Variants in NPAS2 observed in about 807,000 individuals in gnomAD.
The protein encoded by NPAS2 is neuronal PAS domain protein 2, also known as neuronal PAS domain-containing protein 2.
A neutral mutation model predicts 107.5 loss-of-function variants in NPAS2; 23 were observed. The observed-to-expected ratio is 0.21, with a 90% CI of 0.15 to 0.30. The LOEUF (loss-of-function observed/expected upper bound fraction) is 0.30. Ranked by LOEUF, NPAS2 falls within the 10% of genes least tolerant of loss-of-function variation. The pLI, the probability that NPAS2 is intolerant of heterozygous loss-of-function variation, is 1.00. For synonymous variants in NPAS2, 403 were observed against 417.5 expected (o/e 0.97, Z 0.42); for missense variants, 756 against 1,043.3 (o/e 0.72, Z 3.79).
At chr2:100,931,345 A>G (rs1573648486) in intron 3 of NPAS2, among the ~76,000 whole-genome samples, 1 of 152,112 alleles carries the variant, frequency 6.6e-6, no homozygotes, top group Non-Finnish European at 1.5e-5. Flanking sequence ...CAAAAATCCA[A>G]TTTTGTATAA....
At chr2:100,952,317 A>G (rs1424630348) in intron 7 of NPAS2, among the ~76,000 whole-genome samples, 1 of 152,088 alleles carries the variant, frequency 6.6e-6, no homozygotes, top group Non-Finnish European at 1.5e-5. Flanking sequence ...TTGCCCCATG[A>G]CAACAGTGCA....
intron 1 of NPAS2, chr2:100,823,846 G>A (rs1474321291): frequency 1.3e-5 from 2 of 152,168 alleles, no homozygotes; most frequent in Non-Finnish European, 2.9e-5. Flanking sequence ...AAGGAGAGTT[G>A]CTGGTAGGGC....
rs367640291 is a variant in NPAS2 at position 100,974,919 on chromosome 2, G to T, written c.1257G>T (p.Ser419=). 3 of 1,613,934 alleles carry T rather than the reference G, an allele frequency of 1.9e-6. No homozygotes were observed. The South Asian group carries it at 3.3e-5, about 18-fold the overall frequency. Residue 419 remains serine, a synonymous_variant, in exon 13 of 21, where the codon TCG becomes TCT. Coordinates refer to ENST00000335681, the MANE Select transcript of NPAS2 (RefSeq NM_002518.4). ...SASSRSSHKS[S]HTAMSEPTST... ...CCTCAAGAAGTTCCCACAAATCCTC[G>T]CACACAGCCATGTCAGAACCCACCT...
At chr2:100,987,891 CTG>C (rs2105307428) in intron 16 of NPAS2, 186 bp from the exon 17 acceptor site, 2 of 672,384 alleles carry the variant, frequency 3.0e-6, no homozygotes, top group South Asian at 3.7e-5. Flanking sequence ...GCCCATGGCT[CTG>C]TGGCCAGTGC....
At chr2:100,870,883 C>T (rs1679540556) in intron 1 of NPAS2, among the ~76,000 whole-genome samples, 1 of 152,138 alleles carries the variant, frequency 6.6e-6, no homozygotes, top group Non-Finnish European at 1.5e-5. Context: ...GGAGTCAATG[C>T]TTCCTCTCAT....
chr2:100,870,263 T>C (rs1374513120), intron 1 of NPAS2, among the ~76,000 whole-genome samples: 1 of 152,224 alleles, frequency 6.6e-6, no homozygotes, highest in East Asian at 1.9e-4. Context: ...TTATTCTTTT[T>C]AGCTGACTTC....
At chr2:100,966,394 G>A (rs772759933) in intron 10 of NPAS2, among the ~76,000 whole-genome samples, 1 of 152,094 alleles carries the variant, frequency 6.6e-6, no homozygotes, top group Non-Finnish European at 1.5e-5. Context: ...CTTACGATGT[G>A]GGGGAGTGAG....
chr2:100,873,374 ATAT>A (rs1407161929), intron 1 of NPAS2, among the ~76,000 whole-genome samples: 4 of 146,014 alleles, frequency 2.7e-5, no homozygotes, highest in Non-Finnish European at 4.5e-5. Flanking sequence ...GTATATATAT[ATAT>A]TTTTTCAAAT....
chr2:100,902,662 T>C (rs577783965), intron 1 of NPAS2, among the ~76,000 whole-genome samples: 1 of 152,328 alleles, frequency 6.6e-6, no homozygotes, highest in East Asian at 1.9e-4. Flanking sequence ...TGAATGTGCT[T>C]AATGCCACTG....
chr2:100,985,301 C>CTA (rs1677717706), intron 16 of NPAS2: 1 of 152,958 alleles, frequency 6.5e-6, no homozygotes, highest in South Asian at 2.1e-4. Flanking sequence ...ACCCTCCCTT[C>CTA]TATACATCCT....
At chr2:100,876,705 A>G (rs967307852) in intron 1 of NPAS2, among the ~76,000 whole-genome samples, 1 of 152,068 alleles carries the variant, frequency 6.6e-6, no homozygotes, top group Non-Finnish European at 1.5e-5. Context: ...AGGAGCGTGC[A>G]TGTTATGGTG....
intron 1 of NPAS2, among the ~76,000 whole-genome samples, chr2:100,882,055 T>C (rs186139602): frequency 6.6e-6 from 1 of 152,374 alleles, no homozygotes; most frequent in Non-Finnish European, 1.5e-5. Context: ...CCTCAATGCA[T>C]GGCTCAGCTT....
chr2:100,848,394 A>G (rs974172), intron 1 of NPAS2, among the ~76,000 whole-genome samples: 1 of 152,024 alleles, frequency 6.6e-6, no homozygotes, highest in Non-Finnish European at 1.5e-5. Context: ...ATCTTATAGG[A>G]AAGATCTGGA....
intron 1 of NPAS2, among the ~76,000 whole-genome samples, chr2:100,829,020 A>G (rs950611073): frequency 6.6e-6 from 1 of 152,098 alleles, no homozygotes; most frequent in African/African-American, 2.4e-5. Flanking sequence ...GATTCTTCCA[A>G]TCCATGAGCA....
At chr2:100,871,092 G>A (rs1410957597) in intron 1 of NPAS2, among the ~76,000 whole-genome samples, 1 of 152,158 alleles carries the variant, frequency 6.6e-6, no homozygotes, top group Non-Finnish European at 1.5e-5. Flanking sequence ...TCTAAGGCAG[G>A]GGTTGGCCAA....
At chr2:100,988,399 A>G in intron 17 of NPAS2, 123 bp downstream of exon 17, 11 of 798,290 alleles carry the variant, frequency 1.4e-5, no homozygotes. Flanking sequence ...TCCGTTATGG[A>G]CTGAGGGTAG....
intron 1 of NPAS2, among the ~76,000 whole-genome samples, chr2:100,885,090 A>T (rs938065375): frequency 6.6e-6 from 1 of 151,988 alleles, no homozygotes. Flanking sequence ...CTGGGACTAC[A>T]GGTGCCCACC....
intron 11 of NPAS2, chr2:100,970,514 A>G (rs1232294260): frequency 6.5e-6 from 1 of 154,068 alleles, no homozygotes; most frequent in Non-Finnish European, 1.4e-5. Context: ...GCTCATCTAC[A>G]GTCTGGATTT....
intron 3 of NPAS2, among the ~76,000 whole-genome samples, chr2:100,927,260 G>A (rs1248932485): frequency 6.6e-6 from 1 of 152,108 alleles, no homozygotes; most frequent in Non-Finnish European, 1.5e-5. Flanking sequence ...TTAAACTGTA[G>A]GTTAAGCATA....
Sources: gnomAD v4.1 joint callset for allele counts (sites outside exome capture counted in the v4.1 genomes callset) on GRCh38, gnomAD v4.1.1 for gene constraint, MANE v1.5 for transcripts, NCBI Gene and HGNC (gene_info 2026-07-23, HGNC 2026-07-21) for gene names.